Variants in G6PC3 observed in about 807,000 individuals in gnomAD.
G6PC3 encodes glucose-6-phosphatase 3.
Under a neutral mutation model 38.6 loss-of-function variants are expected in G6PC3, and 30 were observed. The observed-to-expected ratio is 0.78, with a 90% CI of 0.58 to 1.05. G6PC3 has a LOEUF of 1.05. Among genes scored for constraint, G6PC3 ranks in the 50% least tolerant of loss-of-function variants. The pLI is 0.00. For synonymous variants in G6PC3, 192 were observed against 178.1 expected (o/e 1.08, Z -0.62); for missense variants, 377 against 443.1 (o/e 0.85, Z 1.34).
At chr17:44,074,040 CGTA>C (rs1268264107) in intron 1 of G6PC3, 117 bp from the exon 2 acceptor site, 6 of 782,776 alleles carry the variant, frequency 7.7e-6, no homozygotes, top group Non-Finnish European at 1.4e-5. Flanking sequence ...TGGACAGAAT[CGTA>C]GTCCCTTTTT....
intron 1 of G6PC3, chr17:44,071,574 C>T: frequency 9.8e-7 from 1 of 1,021,664 alleles, no homozygotes. Flanking sequence ...GAGAGTCCTA[C>T]CTCTCAACTC....
rs531743967 is a variant in G6PC3, at chr17:44,075,517, G to A, written c.677+66G>A. The A allele has an allele frequency of 3.1e-6, 5 of 1,608,894 alleles. No individual in the cohort carries two copies. In the African/African-American group the frequency reaches 5.3e-5, roughly 17 times the overall value. On this transcript the variant is annotated intron_variant, in intron 5 of 5. Coordinates refer to ENST00000269097, the MANE Select transcript of G6PC3 (RefSeq NM_138387.4). Reference sequence around the variant, plus strand: ...CTATCTCGCCTGCACCTAGCCTGGTGTGTCTCTGGTTCATTATAGCTAAAA... The same window carrying A: ...CTATCTCGCCTGCACCTAGCCTGGTATGTCTCTGGTTCATTATAGCTAAAA...
In G6PC3 at chr17:44,071,087, T is replaced by C; in HGVS notation, c.122T>C (p.Phe41Ser). The C allele has an allele frequency of 6.2e-7, 1 of 1,613,614 alleles. No homozygotes were observed. Among genetic ancestry groups the C allele is most frequent in the Non-Finnish European group, 8.5e-7 (1 of 1,179,828 alleles). The change falls in exon 1 of 6, where the codon TTC (phenylalanine) becomes TCC (serine). Residue 41 changes from phenylalanine (F) to serine (S), a missense_variant. Coordinates refer to ENST00000269097, the MANE Select transcript of G6PC3 (RefSeq NM_138387.4). ...GGCGATCCCAAGATCCTCTTTCTGT[T>C]CTACTTCCCCGCGGCCTACTACGCC... ...FLGDPKILFL[F>S]YFPAAYYASR...
chr17:44,074,973 T>A lies in G6PC3; in HGVS notation c.421T>A (p.Trp141Arg). The part of the protein sequence containing the change: ...SQVATRARSR[W>R]VRVMPSLAYC... ...CCTTGCCTCTCTTCTTTCTAGCCGCTGGGTAAGGGTGATGCCTAGCCTGGC... is the reference window on the plus strand; with the variant it reads ...CCTTGCCTCTCTTCTTTCTAGCCGCAGGGTAAGGGTGATGCCTAGCCTGGC... Residue 141 changes from tryptophan to arginine, a missense_variant, in exon 4 of 6, where the codon TGG becomes AGG. Physicochemically the swap from Trp to Arg is moderately radical, Grantham distance 101. Transcript: ENST00000269097. The A allele has an allele frequency of 6.2e-7, 1 of 1,613,856 alleles. No homozygotes were observed. Among genetic ancestry groups the A allele is most frequent in the East Asian group, 2.2e-5 (1 of 44,892 alleles).
chr17:44,076,342 T>TA lies in G6PC3; in HGVS notation c.*299_*300insA. On this transcript the variant is annotated 3_prime_UTR_variant, in exon 6 of 6. Coordinates refer to ENST00000269097, the MANE Select transcript of G6PC3 (RefSeq NM_138387.4). ...GCCCCAATAAAGCCCTTGAATACTT[T>TA]GAGATTCCTTTCTTGCCTATGCGCA... 1.7e-6 allele frequency: 1 copy of TA among 605,142 alleles called. No homozygotes were observed. Among genetic ancestry groups the TA allele is most frequent in the South Asian group, 1.5e-5 (1 of 65,548 alleles). The allele number at this position is 605,142 out of a possible 1,614,324, so 37.5% of individuals were successfully genotyped here.
At position 44,075,047 on chromosome 17, in the gene G6PC3, A is replaced by G; in HGVS notation, c.495A>G (p.Leu165=). Residue 165 remains leucine, a synonymous_variant, in exon 4 of 6, where the codon TTA becomes TTG. Transcript: ENST00000269097. ...TTGGCTTGTCGCGAATCTTCATCTT[A>G]GCACATTTCCCTCACCAGGTGCTGG... is the stretch of plus-strand genomic sequence containing the variant. ...LAVGLSRIFI[L]AHFPHQVLAG... is the part of the protein sequence containing the mutation. The G allele has an allele frequency of 1.2e-6, 2 of 1,614,068 alleles. No homozygotes were observed. Among genetic ancestry groups the G allele is most frequent in the Admixed American group, 3.3e-5 (2 of 60,014 alleles).
rs1358727776 is a variant in G6PC3, at chr17:44,076,124, C to A, written c.*81C>A. 6.4e-7 allele frequency: 1 copy of A among 1,566,924 alleles called. No individual in the cohort carries two copies. The highest frequency in any genetic ancestry group is 1.7e-5 in the Admixed American group (1 of 59,946). On this transcript the variant is annotated 3_prime_UTR_variant, in exon 6 of 6. Coordinates refer to ENST00000269097, the MANE Select transcript of G6PC3 (RefSeq NM_138387.4). ...CCACACTCCAGGAGGCAGCCCCATCCCCTTCCAGCCCCTAAGTAGGCCCTC... is the reference window on the plus strand; with the variant it reads ...CCACACTCCAGGAGGCAGCCCCATCACCTTCCAGCCCCTAAGTAGGCCCTC...
chr17:44,071,182 T>C lies in G6PC3; in HGVS notation c.217T>C (p.Trp73Arg). The part of the protein sequence containing the change: ...ITEWLNLIFK[W>R]FLFGDRPFWW... ...CGAGTGGCTCAACCTCATCTTCAAGTGGTGAGACAGAGAAGCCCTCCGGCA... is the reference window on the plus strand; with the variant it reads ...CGAGTGGCTCAACCTCATCTTCAAGCGGTGAGACAGAGAAGCCCTCCGGCA... Residue 73 changes from tryptophan to arginine, a missense_variant and splice_region_variant, in exon 1 of 6, where the codon TGG (tryptophan) becomes CGG (arginine). Physicochemically the swap from Trp to Arg is moderately radical, Grantham distance 101 (BLOSUM62 -3). Transcript: ENST00000269097. The C allele has an allele frequency of 6.2e-7, 1 of 1,612,914 alleles. No homozygotes were observed. The highest frequency in any genetic ancestry group is 8.5e-7 in the Non-Finnish European group (1 of 1,179,818).
In G6PC3 at chr17:44,076,320, C is replaced by G. The variant is rs747802146; in HGVS notation, c.*277C>G. 4 of 656,416 alleles carry G rather than the reference C, an allele frequency of 6.1e-6. No individual in the cohort carries two copies. Among genetic ancestry groups the G allele is most frequent in the Non-Finnish European group, 1.1e-5 (4 of 357,054 alleles). The allele number at this position is 656,416 out of a possible 1,614,324, so 40.7% of individuals were successfully genotyped here. On this transcript the variant is annotated 3_prime_UTR_variant, in exon 6 of 6. Transcript: ENST00000269097. Reference sequence around the variant, plus strand: ...ACTGTGAGGGGCAGCCAGGGCGGCCCCAATAAAGCCCTTGAATACTTTGAG... The same window carrying G: ...ACTGTGAGGGGCAGCCAGGGCGGCCGCAATAAAGCCCTTGAATACTTTGAG...
chr17:44,071,911 A>C (rs1444372473), intron 1 of G6PC3: 2 of 340,396 alleles, frequency 5.9e-6, no homozygotes. Flanking sequence ...GACTCTTCAC[A>C]CTGAGACTTA....
In G6PC3 at chr17:44,074,775, A is replaced by G. The variant is rs73306693; in HGVS notation, c.416+5A>G. The G allele has an allele frequency of 2.7e-3, 4,321 of 1,613,276 alleles. 74 individuals are homozygous for G. The African/African-American group carries it at 0.047, about 17-fold the overall frequency. ...GGTGGCCACTCGGGCCCGCAGGTAT[A>G]CCCTTGGCATTGCCCACCATTGGGA... On this transcript the variant is annotated splice_donor_5th_base_variant and intron_variant, in intron 3 of 5. Coordinates refer to ENST00000269097, the MANE Select transcript of G6PC3 (RefSeq NM_138387.4).
intron 1 of G6PC3, chr17:44,073,359 C>A (rs951774466): frequency 1.3e-5 from 2 of 152,564 alleles, no homozygotes; most frequent in Admixed American, 6.5e-5. Context: ...TAAGAGCTGG[C>A]CTTGCAGTGA....
In G6PC3 at chr17:44,075,929, C is replaced by T. The variant is rs756548836; in HGVS notation, c.927C>T (p.Phe309=). The T allele has an allele frequency of 6.2e-7, 1 of 1,613,318 alleles. No individual in the cohort carries two copies. The highest frequency in any genetic ancestry group is 1.1e-5 in the South Asian group (1 of 91,086). Residue 309 remains phenylalanine, a synonymous_variant, in exon 6 of 6, where the codon TTC becomes TTT. Coordinates refer to ENST00000269097, the MANE Select transcript of G6PC3 (RefSeq NM_138387.4). ...GCCACCCCCCTCAGATCAGCCTCTT[C>T]TACATTTTCAATTTCCTCAAGTACA... ...WLGHPPQISL[F]YIFNFLKYTL...
rs1400627775 is a variant in G6PC3, at chr17:44,070,834, G to C, written c.-132G>C. 2.0e-6 allele frequency: 2 copies of C among 1,019,968 alleles called. No individual in the cohort carries two copies. The highest frequency in any genetic ancestry group is 2.9e-6 in the Non-Finnish European group (2 of 679,088). The allele number at this position is 1,019,968 out of a possible 1,614,324, so 63.2% of individuals were successfully genotyped here. A position where few individuals can be genotyped will look rare whatever the true frequency, so the allele number is the denominator to read the frequency against. On this transcript the variant is annotated 5_prime_UTR_variant, in exon 1 of 6. Coordinates refer to ENST00000269097, the MANE Select transcript of G6PC3 (RefSeq NM_138387.4). ...ACTGCTGGGGGCGGGGCTTGGTGGT[G>C]ACCGCTGGCGGGGCGGGGCCTGGGG... is the stretch of plus-strand genomic sequence containing the variant.
rs1343579086 is a variant in G6PC3, at chr17:44,074,114, G to T, written c.219-46G>T. The T allele has an allele frequency of 3.0e-6, 4 of 1,344,870 alleles. No homozygotes were observed. In the Admixed American group the frequency reaches 5.0e-5, roughly 17 times the overall value. The allele number at this position is 1,344,870 out of a possible 1,614,324, so 83.3% of individuals were successfully genotyped here. On this transcript the variant is annotated intron_variant, in intron 1 of 5. Transcript: ENST00000269097. ...TCCTGCCCGCCTTGTACCCCCCCTG[G>T]CTGTGTGTGCATGTGGAAAGTCATC... is the stretch of plus-strand genomic sequence containing the variant.
Position 44,074,737 on chromosome 17 carries a change from C to A in G6PC3, c.383C>A (p.Ala128Asp), listed in dbSNP as rs368385668. ...GCAGCCCTCTGGCCCATAATGACGG[C>A]CCTGTCTTCGCAGGTGGCCACTCGG... The part of the protein sequence containing the change: ...TGAALWPIMT[A>D]LSSQVATRAR... Residue 128 changes from alanine to aspartate, a missense_variant, in exon 3 of 6, where the codon GCC (alanine) becomes GAC (aspartate). Physicochemically the swap from Ala to Asp is moderately radical, Grantham distance 126. Transcript: ENST00000269097. 1 of 1,614,010 alleles carries A rather than the reference C, an allele frequency of 6.2e-7. No homozygotes were observed. The highest frequency in any genetic ancestry group is 2.2e-5 in the East Asian group (1 of 44,852).
At chr17:44,071,995 T>A in intron 1 of G6PC3, 1 of 266,842 alleles carries the variant, frequency 3.7e-6, no homozygotes, top group East Asian at 1.1e-4. Context: ...ACACCTCCCT[T>A]CACCTCAGCC....
In G6PC3 at chr17:44,070,738, A is replaced by C; in HGVS notation, c.-228A>C. ...AGGTTTGTCCCCTGCGCTGCCCAGT[A>C]GGGAGGAAAACCGGAGGAGAGCGCA... On this transcript the variant is annotated 5_prime_UTR_variant, in exon 1 of 6. Coordinates refer to ENST00000269097, the MANE Select transcript of G6PC3 (RefSeq NM_138387.4). 1.6e-6 allele frequency: 1 copy of C among 607,558 alleles called. No homozygotes were observed. The highest frequency in any genetic ancestry group is 1.8e-5 in the African/African-American group (1 of 54,470). The allele number at this position is 607,558 out of a possible 1,614,324, so 37.6% of individuals were successfully genotyped here. A position where few individuals can be genotyped will look rare whatever the true frequency, so the allele number is the denominator to read the frequency against.
In G6PC3 at chr17:44,075,839, A is replaced by G. The variant is rs1329589041; in HGVS notation, c.837A>G (p.Gly279=). The change falls in exon 6 of 6, where the codon GGA becomes GGG. Residue 279 remains glycine, a synonymous_variant. Transcript: ENST00000269097. ...CCCAGGTGCGTCGGGCACAGCTGGGAAATGGCCAGAAGATAGCCTGCCTTG... is the reference window on the plus strand; with the variant it reads ...CCCAGGTGCGTCGGGCACAGCTGGGGAATGGCCAGAAGATAGCCTGCCTTG... ...CYAQVRRAQL[G]NGQKIACLVL... 4 of 1,611,968 alleles carry G rather than the reference A, an allele frequency of 2.5e-6. No individual in the cohort carries two copies. The Admixed American group carries it at 6.7e-5, about 27-fold the overall frequency.
Sources: allele counts gnomAD v4.1 joint callset, GRCh38; gene constraint gnomAD v4.1.1; transcripts MANE v1.5; gene names NCBI Gene and HGNC (gene_info 2026-07-23, HGNC 2026-07-21).